QRSL1: variants seen among roughly 807,000 people sequenced by gnomAD.
QRSL1 encodes glutamyl-tRNA(Gln) amidotransferase subunit A, mitochondrial.
In QRSL1, 54 loss-of-function variants were observed where a neutral mutation model predicts 61.6. That is an observed-to-expected ratio of 0.88 (90% CI 0.70 to 1.10). The LOEUF is 1.10. Among genes scored for constraint, QRSL1 ranks in the 50% least tolerant of loss-of-function variants. QRSL1 has a pLI of 0.00. For synonymous variants in QRSL1, 228 were observed against 225.7 expected (o/e 1.01, Z -0.09); for missense variants, 505 against 622.6 (o/e 0.81, Z 2.01).
intron 1 of QRSL1, among the ~76,000 whole-genome samples, chr6:106,629,979 C>T (rs1776783496): frequency 6.6e-6 from 1 of 150,728 alleles, no homozygotes; most frequent in African/African-American, 2.4e-5. Context: ...AGGTCGGGAT[C>T]CGGATGGTCT....
chr6:106,660,423 G>A (rs1777339189), intron 9 of QRSL1, among the ~76,000 whole-genome samples: 1 of 150,538 alleles, frequency 6.6e-6, no homozygotes, highest in South Asian at 2.1e-4. Context: ...CTGGGCTCAA[G>A]GAATCCTACC....
At chr6:106,639,116 G>GGTTTTT (rs1192526609) in intron 1 of QRSL1, among the ~76,000 whole-genome samples, 1 of 54,358 alleles carries the variant, frequency 1.8e-5, no homozygotes, top group African/African-American at 6.8e-5. Flanking sequence ...TGTGTGTTTT[G>GGTTTTT]TTGTTTTTTT....
At chr6:106,631,255 T>C (rs72945093) in intron 1 of QRSL1, among the ~76,000 whole-genome samples, 5,945 of 152,146 alleles carry the variant, frequency 0.039, 169 homozygotes, top group Non-Finnish European at 0.06. Flanking sequence ...TAAAAATAAA[T>C]AAACAGACAA....
intron 4 of QRSL1, among the ~76,000 whole-genome samples, chr6:106,647,416 A>G (rs1017204472): frequency 6.6e-6 from 1 of 151,468 alleles, no homozygotes; most frequent in Non-Finnish European, 1.5e-5. Flanking sequence ...AAGGCATGGT[A>G]GTGGATGCCT....
intron 4 of QRSL1, among the ~76,000 whole-genome samples, chr6:106,646,941 T>C (rs1283091721): frequency 2.9e-5 from 4 of 139,212 alleles, no homozygotes. Flanking sequence ...GGCAGGAGAA[T>C]GGCATGAACC....
intron 1 of QRSL1, among the ~76,000 whole-genome samples, chr6:106,639,127 T>TTTTTTTTG: frequency 7.3e-6 from 1 of 137,806 alleles, no homozygotes; most frequent in Non-Finnish European, 1.5e-5. Flanking sequence ...TTGTTTTTTT[T>TTTTTTTTG]TTTTTTTTTT....
chr6:106,663,209 T>G lies in QRSL1; in HGVS notation c.1366+24T>G, dbSNP rs72613241. 20,975 of 1,606,568 alleles carry G rather than the reference T, an allele frequency of 0.013. 1,234 individuals carry two copies. The East Asian group carries it at 0.19, about 14-fold the overall frequency. On this transcript the variant is annotated intron_variant, in intron 10 of 10. Transcript: ENST00000369046. ...AGGTGAGGATTCCTCAGGAACATTCTGATTTTCTTCAAATTCTTAGGCAGG... is the reference window on the plus strand; with the variant it reads ...AGGTGAGGATTCCTCAGGAACATTCGGATTTTCTTCAAATTCTTAGGCAGG...
Position 106,652,767 on chromosome 6 carries a change from TACTG to T in QRSL1, c.849+189_849+192del, listed in dbSNP as rs1777209962. ...ATCTGTAAAATAGGAATAATAAAAA[TACTG>T]ACTTCAGAGAGGTTTGTGAGGATCA... On this transcript the variant is annotated intron_variant, in intron 7 of 10. Coordinates refer to ENST00000369046, the MANE Select transcript of QRSL1 (RefSeq NM_018292.5). The T allele has an allele frequency of 4.7e-6, 7 of 1,504,574 alleles. No homozygotes were observed. The Admixed American group carries it at 1.5e-4, about 33-fold the overall frequency. The allele number at this position is 1,504,574 out of a possible 1,614,324, so 93.2% of individuals were successfully genotyped here.
rs1461217285 is a variant in QRSL1, at chr6:106,666,884, C to T, written c.*882C>T. On this transcript the variant is annotated 3_prime_UTR_variant, in exon 11 of 11. Transcript: ENST00000369046. ...AGGGGTATGCCTCTCTGGGGAGGAGCTCCACTTGCAGGGACTCCTTTTATT... is the reference window on the plus strand; with the variant it reads ...AGGGGTATGCCTCTCTGGGGAGGAGTTCCACTTGCAGGGACTCCTTTTATT... 6.6e-6 allele frequency: 1 copy of T among 152,178 alleles called. No individual in the cohort carries two copies. The highest frequency in any genetic ancestry group is 1.5e-5 in the Non-Finnish European group (1 of 68,040). The allele number at this position is 152,178 out of a possible 1,614,324, so 9.4% of individuals were successfully genotyped here.
At chr6:106,660,709 T>C (rs1777342595) in intron 9 of QRSL1, among the ~76,000 whole-genome samples, 1 of 152,114 alleles carries the variant, frequency 6.6e-6, no homozygotes, top group Non-Finnish European at 1.5e-5. Context: ...GGAGATTTAC[T>C]GGCTCACAGT....
chr6:106,662,764 C>T (rs2114719103), intron 9 of QRSL1, among the ~76,000 whole-genome samples: 1 of 152,282 alleles, frequency 6.6e-6, no homozygotes, highest in Middle Eastern at 3.4e-3. Context: ...AAACTTTCCC[C>T]TATGGCGTCT....
chr6:106,639,940 C>T (rs1286113207), intron 1 of QRSL1, among the ~76,000 whole-genome samples: 5 of 152,136 alleles, frequency 3.3e-5, no homozygotes, highest in Non-Finnish European at 7.3e-5. Context: ...TCCTGCAATG[C>T]CTCGTCCAGT....
intron 1 of QRSL1, among the ~76,000 whole-genome samples, chr6:106,637,306 GGGTGA>G (rs1300351567): frequency 6.6e-6 from 1 of 152,182 alleles, no homozygotes; most frequent in Non-Finnish European, 1.5e-5. Flanking sequence ...TTGGCAACTG[GGGTGA>G]GGTGAAGGAA....
intron 4 of QRSL1, among the ~76,000 whole-genome samples, chr6:106,646,321 A>C (rs1197806899): frequency 6.6e-6 from 1 of 152,218 alleles, no homozygotes. Context: ...TGAGGATACA[A>C]TATCACCTAT....
At chr6:106,652,658 G>T in intron 7 of QRSL1, 76 bp downstream of exon 7, 1 of 1,595,008 alleles carries the variant, frequency 6.3e-7, no homozygotes, top group Non-Finnish European at 8.5e-7. Flanking sequence ...AGGCGGATTG[G>T]GTGGGTTTGA....
intron 1 of QRSL1, among the ~76,000 whole-genome samples, chr6:106,638,967 A>T (rs1776965636): frequency 6.6e-6 from 1 of 152,138 alleles, no homozygotes; most frequent in African/African-American, 2.4e-5. Flanking sequence ...GTAGAGATAG[A>T]AATGGTGAAG....
rs2114723175 is a variant in QRSL1, at chr6:106,668,227, G to A, written c.*2225G>A. 1 of 152,044 alleles carries A rather than the reference G, an allele frequency of 6.6e-6. No homozygotes were observed. The highest frequency in any genetic ancestry group is 1.9e-4 in the East Asian group (1 of 5,170). The allele number at this position is 152,044 out of a possible 1,614,324, so 9.4% of individuals were successfully genotyped here. On this transcript the variant is annotated 3_prime_UTR_variant, in exon 11 of 11. Coordinates refer to ENST00000369046, the MANE Select transcript of QRSL1 (RefSeq NM_018292.5). ...ATAATTTGAATCTGGAAATTAAAAA[G>A]TGAAACATTTACCGTTCTCATATAC...
intron 1 of QRSL1, among the ~76,000 whole-genome samples, chr6:106,629,982 G>A (rs1380981057): frequency 6.6e-6 from 1 of 151,656 alleles, no homozygotes; most frequent in African/African-American, 2.4e-5. Context: ...TCGGGATCCG[G>A]ATGGTCTCGG....
intron 4 of QRSL1, among the ~76,000 whole-genome samples, chr6:106,644,449 C>T (rs1479579611): frequency 6.6e-6 from 1 of 152,164 alleles, no homozygotes; most frequent in East Asian, 1.9e-4. Context: ...CACATCACCT[C>T]ACCTGGCTGA....
Sources: gnomAD v4.1 joint callset for allele counts (sites outside exome capture counted in the v4.1 genomes callset) on GRCh38, gnomAD v4.1.1 for gene constraint, MANE v1.5 for transcripts, NCBI Gene and HGNC (gene_info 2026-07-23, HGNC 2026-07-21) for gene names.